GNG7: variants seen among roughly 807,000 people sequenced by gnomAD.
GNG7 encodes G protein subunit gamma 7.
A neutral mutation model predicts 4.0 loss-of-function variants in GNG7; 1 was observed. The ratio of observed to expected loss-of-function variants is 0.25; its 90% CI spans 0.09 to 1.18. The LOEUF (loss-of-function observed/expected upper bound fraction) is 1.18. Among genes scored for constraint, GNG7 ranks in the 50% most tolerant of loss-of-function variants. The pLI is 0.50. For missense variants in GNG7, 86 were observed against 91.9 expected (o/e 0.94, Z 0.26); for synonymous variants, 34 against 36.9 (o/e 0.92, Z 0.29).
intron 3 of GNG7, among the ~76,000 whole-genome samples, chr19:2,543,509 A>C (rs1020117935): frequency 3.3e-5 from 5 of 151,760 alleles, no homozygotes; most frequent in African/African-American, 9.7e-5. Context: ...CCGGGCATGA[A>C]CCCCCGCTCC....
chr19:2,696,475 C>T (rs1464752419), intron 1 of GNG7, among the ~76,000 whole-genome samples: 2 of 152,202 alleles, frequency 1.3e-5, no homozygotes, highest in Admixed American at 6.5e-5. Flanking sequence ...ACATCCCAAG[C>T]TTCAGTGCAG....
intron 2 of GNG7, among the ~76,000 whole-genome samples, chr19:2,589,027 C>G (rs113211123): frequency 1.3e-5 from 2 of 152,180 alleles, no homozygotes; most frequent in African/African-American, 4.8e-5. Flanking sequence ...CTTCCAGGTT[C>G]AAGCGATTCT....
At chr19:2,670,513 C>A (rs1267458695) in intron 1 of GNG7, among the ~76,000 whole-genome samples, 3 of 152,378 alleles carry the variant, frequency 2.0e-5, no homozygotes, top group African/African-American at 7.2e-5. Flanking sequence ...AGGACGGCCA[C>A]TGCGTCCCAT....
chr19:2,612,271 G>C (rs1316723182), intron 2 of GNG7, among the ~76,000 whole-genome samples: 6 of 152,078 alleles, frequency 3.9e-5, no homozygotes, highest in African/African-American at 1.4e-4. Flanking sequence ...GGCACTGCAG[G>C]GTGCTCAGCA....
chr19:2,561,034 G>A (rs1488494165), intron 2 of GNG7, among the ~76,000 whole-genome samples: 1 of 151,918 alleles, frequency 6.6e-6, no homozygotes, highest in Admixed American at 6.5e-5. Flanking sequence ...ATAAGCTCCC[G>A]ATGGGGCAGA....
intron 3 of GNG7, among the ~76,000 whole-genome samples, chr19:2,540,289 C>T (rs1158330990): frequency 6.6e-6 from 1 of 151,774 alleles, no homozygotes; most frequent in Non-Finnish European, 1.5e-5. Flanking sequence ...TAGCTGGGAC[C>T]ACAGGCACAC....
chr19:2,604,470 C>CA (rs112959127), intron 2 of GNG7, among the ~76,000 whole-genome samples: 1,359 of 37,170 alleles, frequency 0.037, 23 homozygotes, highest in Middle Eastern at 0.096. Context: ...GACCCTGCTT[C>CA]AAAAAAAAAA....
At position 2,512,904 on chromosome 19, in the gene GNG7, C is replaced by T. The variant is rs1297477810; in HGVS notation, c.*2118G>A. ...CCATTCCTGCTATGCGTGGTGGGGA[C>T]GCCCACACCCCAAACCCTGCCGGCT... On this transcript the variant is annotated 3_prime_UTR_variant, in exon 5 of 5. Transcript: ENST00000382159. This position sits in a 1 kb window ranked among gnomAD's most constrained non-coding sequence, Gnocchi z 4.7. The T allele has an allele frequency of 3.5e-5, 34 of 985,042 alleles. No homozygotes were observed. In the East Asian group the frequency reaches 7.9e-4, roughly 23 times the overall value. The allele number at this position is 985,042 out of a possible 1,614,324, so 61.0% of individuals were successfully genotyped here. A position where few individuals can be genotyped will look rare whatever the true frequency, so the allele number is the denominator to read the frequency against.
intron 2 of GNG7, among the ~76,000 whole-genome samples, chr19:2,622,799 C>G (rs999390322): frequency 1.3e-5 from 2 of 152,110 alleles, no homozygotes; most frequent in Non-Finnish European, 2.9e-5. Flanking sequence ...GATGGGGAAC[C>G]CAATGCGAGC....
chr19:2,693,977 T>C (rs1320090309), intron 1 of GNG7, among the ~76,000 whole-genome samples: 1 of 152,046 alleles, frequency 6.6e-6, no homozygotes, highest in Non-Finnish European at 1.5e-5. Flanking sequence ...ACACTTAATA[T>C]TGTGTTGTGA....
chr19:2,687,003 C>T (rs1285172379), intron 1 of GNG7, among the ~76,000 whole-genome samples: 2 of 151,354 alleles, frequency 1.3e-5, no homozygotes, highest in South Asian at 2.1e-4. Context: ...CCGCCCGCCT[C>T]GGCCTCCCAA....
intron 2 of GNG7, among the ~76,000 whole-genome samples, chr19:2,580,583 G>A (rs1204317367): frequency 6.6e-6 from 1 of 151,834 alleles, no homozygotes; most frequent in Non-Finnish European, 1.5e-5. Context: ...GAACCACCGT[G>A]CCCAGCTCTG....
intron 1 of GNG7, among the ~76,000 whole-genome samples, chr19:2,681,047 G>A (rs1335339476): frequency 1.3e-5 from 2 of 152,086 alleles, no homozygotes; most frequent in African/African-American, 4.8e-5. Context: ...CTGACGCGGA[G>A]CATGTTTTGA....
intron 2 of GNG7, among the ~76,000 whole-genome samples, chr19:2,574,053 C>T (rs549571673): frequency 6.6e-6 from 1 of 152,126 alleles, no homozygotes; most frequent in Non-Finnish European, 1.5e-5. Context: ...ATGCTGCCTT[C>T]TCACCTTGGG....
chr19:2,557,314 GACACACATGTGCACACAGAC>G lies in GNG7; in HGVS notation c.-77-2146_-77-2127del, dbSNP rs1455247724. 7.0e-6 allele frequency among the ~76,000 whole-genome samples: 1 copy of G among 142,860 alleles called. No homozygotes were observed. Among genetic ancestry groups the G allele is most frequent in the Non-Finnish European group, 1.5e-5 (1 of 64,584 alleles). The allele number at this position is 142,860 out of a possible 152,430, so 93.7% of individuals were successfully genotyped here. A position where few individuals can be genotyped will look rare whatever the true frequency, so the allele number is the denominator to read the frequency against. ...ACACAGAGGTGCACATACACGCACA[GACACACATGTGCACACAGAC>G]ACACACATGTGCACACACACAGACA... On this transcript the variant is annotated intron_variant, in intron 2 of 4. Coordinates refer to ENST00000382159, the MANE Select transcript of GNG7 (RefSeq NM_052847.3). The surrounding 1 kb of genome is among the most constrained non-coding windows in gnomAD (Gnocchi z 5.1).
chr19:2,677,238 G>A (rs1358409459), intron 1 of GNG7, among the ~76,000 whole-genome samples: 1 of 145,122 alleles, frequency 6.9e-6, no homozygotes, highest in East Asian at 2.0e-4. Flanking sequence ...ATGCCACAGG[G>A]GAGCAGAGAA....
At chr19:2,660,265 C>G (rs562038770) in intron 1 of GNG7, among the ~76,000 whole-genome samples, 124 of 152,316 alleles carry the variant, frequency 8.1e-4, no homozygotes, top group African/African-American at 2.9e-3. Context: ...CCGTTACACC[C>G]ACAAGGCTCT....
At chr19:2,595,144 T>C (rs901378642) in intron 2 of GNG7, 2 of 149,628 alleles carry the variant, frequency 1.3e-5, no homozygotes, top group Non-Finnish European at 3.0e-5. Context: ...TTTTTTTTTT[T>C]TGAGACGGAG....
chr19:2,605,573 G>T (rs1418418638), intron 2 of GNG7, among the ~76,000 whole-genome samples: 1 of 137,514 alleles, frequency 7.3e-6, no homozygotes, highest in Admixed American at 7.7e-5. Flanking sequence ...GAGTGCAGTG[G>T]CTTGATCTTG....
Sources: gnomAD v4.1 joint callset for allele counts (sites outside exome capture counted in the v4.1 genomes callset) on GRCh38, gnomAD v4.1.1 for gene constraint, Gnocchi (gnomAD v3.1) non-coding constraint, MANE v1.5 for transcripts, NCBI Gene and HGNC (gene_info 2026-07-23, HGNC 2026-07-21) for gene names.